KIAA1549L: variants seen among roughly 807,000 people sequenced by gnomAD.
The protein encoded by KIAA1549L is KIAA1549 like, also known as UPF0606 protein KIAA1549L.
A neutral mutation model predicts 160.7 loss-of-function variants in KIAA1549L; 88 were observed. The ratio of observed to expected loss-of-function variants is 0.55; its 90% CI spans 0.46 to 0.65. The LOEUF is 0.65. Among genes scored for constraint, KIAA1549L ranks in the 30% least tolerant of loss-of-function variants. The probability of loss-of-function intolerance (pLI) is 0.00; values close to 1 mark genes in which losing one functional copy is unlikely to be tolerated. For synonymous variants in KIAA1549L, 950 were observed against 976.7 expected (o/e 0.97, Z 0.51); for missense variants, 2,258 against 2,437.5 (o/e 0.93, Z 1.55).
chr11:33,567,998 G>A (rs1391927609), intron 8 of KIAA1549L, 78 bp from the exon 9 acceptor site: 16 of 1,438,780 alleles, frequency 1.1e-5, no homozygotes, highest in Non-Finnish European at 1.5e-5. Context: ...GGCCTGTGCA[G>A]GGTCAGTGGT....
chr11:33,544,093 CTT>C lies in KIAA1549L; in HGVS notation c.2533_2534del (p.Leu845AlafsTer11), dbSNP rs754283333. On this transcript the variant is annotated frameshift_variant, in exon 2 of 21. Transcript: ENST00000658780. LOFTEE classifies it high-confidence loss of function. ...LQLPNQPAHP[L>X]LLTSPGPTST... is the part of the protein sequence containing the mutation. The stretch of plus-strand genomic sequence containing the variant: ...GTTGCCCAACCAGCCAGCACATCCT[CTT>C]TTGCTAACCTCACCAGGACCAACTT... 1 of 1,614,034 alleles carries C rather than the reference CTT, an allele frequency of 6.2e-7. No homozygotes were observed. Among genetic ancestry groups the C allele is most frequent in the Non-Finnish European group, 8.5e-7 (1 of 1,179,900 alleles).
chr11:33,401,321 C>G (rs532346780), intron 1 of KIAA1549L, among the ~76,000 whole-genome samples: 130 of 146,338 alleles, frequency 8.9e-4, no homozygotes, highest in South Asian at 6.4e-3. Flanking sequence ...ATAAAATATA[C>G]ATATATTTGA....
At chr11:33,539,862 G>A (rs569395468) in intron 1 of KIAA1549L, among the ~76,000 whole-genome samples, 17 of 152,298 alleles carry the variant, frequency 1.1e-4, no homozygotes, top group African/African-American at 3.8e-4. Flanking sequence ...GAAAGATATG[G>A]TCAGCATCAT....
chr11:33,573,696 A>G (rs1855349039), intron 9 of KIAA1549L, among the ~76,000 whole-genome samples: 1 of 152,212 alleles, frequency 6.6e-6, no homozygotes, highest in East Asian at 1.9e-4. Flanking sequence ...AATACTATAT[A>G]CTATTTATGA....
At chr11:33,664,187 C>T (rs914878397) in intron 20 of KIAA1549L, among the ~76,000 whole-genome samples, 4 of 152,216 alleles carry the variant, frequency 2.6e-5, no homozygotes, top group Non-Finnish European at 5.9e-5. Context: ...TAACTTGGGA[C>T]ATCTGTTCTG....
intron 20 of KIAA1549L, among the ~76,000 whole-genome samples, chr11:33,661,582 T>C (rs1031100805): frequency 6.6e-6 from 1 of 152,134 alleles, no homozygotes; most frequent in African/African-American, 2.4e-5. Flanking sequence ...AATGAAGGAT[T>C]AGAAACCCAA....
chr11:33,620,332 G>A lies in KIAA1549L; in HGVS notation c.5409+1670G>A, dbSNP rs541902958. ...AATAGACTTCTTTAAAATAGATACT[G>A]CTTTGAGAAGTGCATGTGATCTCAA... On this transcript the variant is annotated intron_variant, in intron 16 of 20. Coordinates refer to ENST00000658780, the MANE Select transcript of KIAA1549L (RefSeq NM_012194.3). Among the ~76,000 whole-genome samples the A allele has an allele frequency of 4.1e-4, 62 of 152,316 alleles. No homozygotes were observed. The South Asian group carries it at 0.012, about 29-fold the overall frequency.
intron 16 of KIAA1549L, among the ~76,000 whole-genome samples, chr11:33,622,117 T>C (rs1850974615): frequency 6.6e-6 from 1 of 152,148 alleles, no homozygotes; most frequent in African/African-American, 2.4e-5. Flanking sequence ...AAAGAGGCGA[T>C]CACAGTCATT....
At chr11:33,553,971 T>A (rs541224347) in intron 6 of KIAA1549L, among the ~76,000 whole-genome samples, 64 of 152,336 alleles carry the variant, frequency 4.2e-4, no homozygotes, top group Admixed American at 1.4e-3. Flanking sequence ...AGATTTTAGA[T>A]GCTCTTGAAC....
rs949747602 is a variant in KIAA1549L, at chr11:33,541,985, C to T, written c.422C>T (p.Pro141Leu). The change falls in exon 2 of 21, where the codon CCT becomes CTT. Residue 141 changes from proline to leucine, a missense_variant. Around this residue, in one of 6 missense-constraint regions of KIAA1549L, gnomAD observed 540 missense variants for 465.7 expected, o/e 1.16. Transcript: ENST00000658780. ...NTSLPQSARTPASKTHHRTRA... is the reference protein window; with the variant it reads ...NTSLPQSARTLASKTHHRTRA... The stretch of plus-strand genomic sequence containing the variant: ...AGCTTGCCACAGTCAGCCCGAACCC[C>T]TGCGTCCAAGACACACCACAGAACT... The T allele has an allele frequency of 1.7e-5, 7 of 417,810 alleles. No individual in the cohort carries two copies. The highest frequency in any genetic ancestry group is 1.4e-4 in the African/African-American group (7 of 49,454). The allele number at this position is 417,810 out of a possible 1,614,324, so 25.9% of individuals were successfully genotyped here.
chr11:33,473,664 A>C (rs1162701154), intron 1 of KIAA1549L, among the ~76,000 whole-genome samples: 2 of 152,100 alleles, frequency 1.3e-5, no homozygotes, highest in African/African-American at 4.8e-5. Flanking sequence ...ATTTGGTCTC[A>C]TATGCACGTT....
At chr11:33,552,648 A>G (rs1010553283) in intron 6 of KIAA1549L, among the ~76,000 whole-genome samples, 2 of 137,884 alleles carry the variant, frequency 1.5e-5, no homozygotes, top group African/African-American at 5.7e-5. Flanking sequence ...GTTTAGACAC[A>G]TGCCAACACA....
At chr11:33,648,252 T>C (rs1276296763) in intron 17 of KIAA1549L, among the ~76,000 whole-genome samples, 1 of 152,050 alleles carries the variant, frequency 6.6e-6, no homozygotes, top group Non-Finnish European at 1.5e-5. Flanking sequence ...CACCTCGGCC[T>C]CCCAAAGTGC....
At chr11:33,583,578 G>T in intron 11 of KIAA1549L, 77 bp downstream of exon 11, 1 of 1,357,460 alleles carries the variant, frequency 7.4e-7, no homozygotes. Context: ...CTTGCCTTTT[G>T]AGGCCATTGC....
At chr11:33,435,836 A>ATATATATATGTGTG (rs1565136050) in intron 1 of KIAA1549L, among the ~76,000 whole-genome samples, 1 of 65,996 alleles carries the variant, frequency 1.5e-5, no homozygotes, top group East Asian at 3.5e-4. Flanking sequence ...ATATATGTAT[A>ATATATATATGTGTG]TGTATATGTG....
At chr11:33,393,135 C>T (rs1451927784) in intron 1 of KIAA1549L, among the ~76,000 whole-genome samples, 1 of 152,226 alleles carries the variant, frequency 6.6e-6, no homozygotes, top group African/African-American at 2.4e-5. Context: ...GAATGAACCA[C>T]CTCCAACTCA....
intron 18 of KIAA1549L, among the ~76,000 whole-genome samples, chr11:33,658,152 G>T (rs749158791): frequency 6.6e-6 from 1 of 152,232 alleles, no homozygotes; most frequent in Admixed American, 6.5e-5. Flanking sequence ...GAAATAGGAT[G>T]TGTTAAATGG....
At chr11:33,500,837 G>C (rs932069960) in intron 1 of KIAA1549L, among the ~76,000 whole-genome samples, 10 of 151,962 alleles carry the variant, frequency 6.6e-5, no homozygotes, top group Non-Finnish European at 1.5e-4. Flanking sequence ...CTTTTCATTA[G>C]TTTATTATAA....
Position 33,668,113 on chromosome 11 carries a change from C to G in KIAA1549L, c.6400C>G (p.Leu2134Val), listed in dbSNP as rs1242451121. 6.2e-7 allele frequency: 1 copy of G among 1,613,916 alleles called. No individual in the cohort carries two copies. The highest frequency in any genetic ancestry group is 8.5e-7 in the Non-Finnish European group (1 of 1,179,850). ...GGCCATCCGGGAGGAGGTGGCCAAG[C>G]TGGCCAAAAAACAGACAGACATGTT... is the stretch of plus-strand genomic sequence containing the variant. ...VKAIREEVAK[L>V]AKKQTDMFEF... Residue 2134 changes from leucine to valine, a missense_variant, in exon 21 of 21, where the codon CTG becomes GTG. Transcript: ENST00000658780.
Sources: allele counts gnomAD v4.1 joint callset (sites outside exome capture counted in the v4.1 genomes callset), GRCh38; gene constraint gnomAD v4.1.1; regional missense constraint gnomAD v4.1.1; transcripts MANE v1.5; gene names NCBI Gene and HGNC (gene_info 2026-07-23, HGNC 2026-07-21).